Variants in CCDC85A observed in about 807,000 individuals in gnomAD.
The protein encoded by CCDC85A is coiled-coil domain containing 85A, also known as coiled-coil domain-containing protein 85A.
Under a neutral mutation model 50.2 loss-of-function variants are expected in CCDC85A, and 38 were observed. The observed-to-expected ratio is 0.76, with a 90% confidence interval of 0.58 to 0.99. The LOEUF (loss-of-function observed/expected upper bound fraction) is 0.99, where lower values mean the gene tolerates loss of function less well. Among genes scored for constraint, CCDC85A ranks in the 50% least tolerant of loss-of-function variants. The pLI, the probability that CCDC85A is intolerant of heterozygous loss-of-function variation, is 0.00. For synonymous variants in CCDC85A, 366 were observed against 301.4 expected (o/e 1.21, Z -2.22); for missense variants, 820 against 742.0 (o/e 1.11, Z -1.22).
chr2:56,232,481 G>A (rs533280977), intron 2 of CCDC85A, among the ~76,000 whole-genome samples: 1 of 152,210 alleles, frequency 6.6e-6, no homozygotes, highest in South Asian at 2.1e-4. Flanking sequence ...AATCACAGGG[G>A]CAGTTTCCTC....
At chr2:56,360,215 C>T (rs920570105) in intron 3 of CCDC85A, among the ~76,000 whole-genome samples, 4 of 152,192 alleles carry the variant, frequency 2.6e-5, no homozygotes, top group South Asian at 2.1e-4. Context: ...CTAATGTCAA[C>T]CTAGCAATTT....
At chr2:56,343,080 T>C in intron 3 of CCDC85A, 125 bp downstream of exon 3, 1 of 644,970 alleles carries the variant, frequency 1.6e-6, no homozygotes, top group East Asian at 3.1e-5. Flanking sequence ...AAATAGCCAT[T>C]CATCAATGTA....
intron 2 of CCDC85A, among the ~76,000 whole-genome samples, chr2:56,342,253 C>T (rs1280311182): frequency 6.6e-6 from 1 of 151,266 alleles, no homozygotes; most frequent in Non-Finnish European, 1.5e-5. Context: ...AAATACTAAA[C>T]ATTTAAGAAA....
intron 2 of CCDC85A, among the ~76,000 whole-genome samples, chr2:56,250,458 A>G (rs956008655): frequency 2.6e-5 from 4 of 152,214 alleles, no homozygotes; most frequent in Admixed American, 6.5e-5. Flanking sequence ...ATCAAGGATA[A>G]GATGATACAA....
rs1245577029 is a variant in CCDC85A, at chr2:56,193,097, G to A, written c.897G>A (p.Gly299=). 3.1e-6 allele frequency: 5 copies of A among 1,613,448 alleles called. No individual in the cohort carries two copies. Among genetic ancestry groups the A allele is most frequent in the East Asian group, 2.2e-5 (1 of 44,860 alleles). ...SPEQQRHPHP[G]SSPETLPKHV... ...AACAGCAAAGGCACCCGCATCCAGGGAGCAGCCCCGAAACGCTGCCCAAGC... is the reference window on the plus strand; with the variant it reads ...AACAGCAAAGGCACCCGCATCCAGGAAGCAGCCCCGAAACGCTGCCCAAGC... Residue 299 remains glycine, a synonymous_variant, in exon 2 of 6, where the codon GGG becomes GGA. Transcript: ENST00000407595.
chr2:56,361,506 A>T (rs548921282), intron 3 of CCDC85A, among the ~76,000 whole-genome samples: 1 of 152,192 alleles, frequency 6.6e-6, no homozygotes, highest in Non-Finnish European at 1.5e-5. Context: ...GGTAATCACT[A>T]TGAAGAAAAT....
chr2:56,196,943 C>A (rs1168371761), intron 2 of CCDC85A, among the ~76,000 whole-genome samples: 3 of 151,474 alleles, frequency 2.0e-5, no homozygotes, highest in African/African-American at 7.3e-5. Context: ...TTCCCTTTGC[C>A]TTGTTAGAGC....
Position 56,314,265 on chromosome 2 carries a change from T to C in CCDC85A, c.1241-28614T>C, listed in dbSNP as rs1049325353. On this transcript the variant is annotated intron_variant, in intron 2 of 5. Transcript: ENST00000407595. The stretch of plus-strand genomic sequence containing the variant: ...GTCAGAGCTGGGGTCAGATGTGTGA[T>C]GGTATAGAAGAGATAGTACTGACCT... 2.2e-4 allele frequency among the ~76,000 whole-genome samples: 33 copies of C among 151,238 alleles called. 1 individual carries two copies. The highest frequency in any genetic ancestry group is 6.8e-4 in the African/African-American group (28 of 40,974).
intron 2 of CCDC85A, among the ~76,000 whole-genome samples, chr2:56,214,374 A>G (rs1174503934): frequency 1.3e-5 from 2 of 151,922 alleles, no homozygotes; most frequent in Non-Finnish European, 2.9e-5. Context: ...AAAAATGTCT[A>G]CTTTGAGTTA....
chr2:56,366,192 A>G (rs1369109485), intron 3 of CCDC85A, among the ~76,000 whole-genome samples: 1 of 152,154 alleles, frequency 6.6e-6, no homozygotes, highest in Non-Finnish European at 1.5e-5. Flanking sequence ...TATCTTGGCT[A>G]TTATGACTAA....
intron 2 of CCDC85A, among the ~76,000 whole-genome samples, chr2:56,206,020 T>C (rs1432067141): frequency 6.6e-6 from 1 of 151,850 alleles, no homozygotes; most frequent in African/African-American, 2.4e-5. Flanking sequence ...GGTGAGGAAG[T>C]CTGAGAGAGA....
Position 56,192,356 on chromosome 2 carries a change from C to T in CCDC85A, c.277-121C>T, listed in dbSNP as rs1435189618. On this transcript the variant is annotated intron_variant, in intron 1 of 5. Coordinates refer to ENST00000407595, the MANE Select transcript of CCDC85A (RefSeq NM_001080433.2). This position sits in a 1 kb window ranked among gnomAD's most constrained non-coding sequence, Gnocchi z 4.7. ...AATCTTCAGCTTCCTCCTACTCCCT[C>T]ACCTCCTCCCCTAACCTCACAGGTA... 3 of 1,406,534 alleles carry T rather than the reference C, an allele frequency of 2.1e-6. No homozygotes were observed. The highest frequency in any genetic ancestry group is 2.3e-5 in the Admixed American group (1 of 43,524). The allele number at this position is 1,406,534 out of a possible 1,614,324, so 87.1% of individuals were successfully genotyped here.
chr2:56,325,019 A>G (rs185841513), intron 2 of CCDC85A, among the ~76,000 whole-genome samples: 28 of 152,206 alleles, frequency 1.8e-4, no homozygotes, highest in African/African-American at 5.8e-4. Flanking sequence ...TAACATGAAA[A>G]CTTAAAGATT....
In CCDC85A at chr2:56,329,408, A is replaced by G. The variant is rs922274445; in HGVS notation, c.1241-13471A>G. ...TTGTTTGCTTATTTTTCAATGGAGT[A>G]CCCCTAGCACATAGTTAGTACTTAA... On this transcript the variant is annotated intron_variant, in intron 2 of 5. Coordinates refer to ENST00000407595, the MANE Select transcript of CCDC85A (RefSeq NM_001080433.2). 2.0e-5 allele frequency among the ~76,000 whole-genome samples: 3 copies of G among 152,282 alleles called. No homozygotes were observed. In the East Asian group the frequency reaches 5.8e-4, roughly 29 times the overall value.
Position 56,238,750 on chromosome 2 carries a change from G to A in CCDC85A, c.1240+45310G>A, listed in dbSNP as rs544556762. ...TCTACTATAAGACCACTATATAAGA[G>A]TAAAAAACTCATACTGCTTTTGAAA... On this transcript the variant is annotated intron_variant, in intron 2 of 5. Transcript: ENST00000407595. Among the ~76,000 whole-genome samples the A allele has an allele frequency of 2.6e-5, 4 of 152,184 alleles. No individual in the cohort carries two copies. In the South Asian group the frequency reaches 8.3e-4, roughly 32 times the overall value.
At chr2:56,199,433 C>T (rs1676647449) in intron 2 of CCDC85A, among the ~76,000 whole-genome samples, 1 of 152,120 alleles carries the variant, frequency 6.6e-6, no homozygotes, top group Non-Finnish European at 1.5e-5. Flanking sequence ...ACTTGTGTAG[C>T]AACTTTGGGC....
At chr2:56,292,345 A>G (rs1465311147) in intron 2 of CCDC85A, among the ~76,000 whole-genome samples, 2 of 152,132 alleles carry the variant, frequency 1.3e-5, no homozygotes, top group African/African-American at 4.8e-5. Flanking sequence ...GGCCTCCCAA[A>G]GTGCTGCTAT....
intron 2 of CCDC85A, among the ~76,000 whole-genome samples, chr2:56,204,523 T>C (rs1676881763): frequency 6.6e-6 from 1 of 152,146 alleles, no homozygotes; most frequent in Non-Finnish European, 1.5e-5. Flanking sequence ...GAAACCACAG[T>C]CCATGCTGCC....
At chr2:56,334,358 A>G (rs954196081) in intron 2 of CCDC85A, among the ~76,000 whole-genome samples, 3 of 152,210 alleles carry the variant, frequency 2.0e-5, no homozygotes, top group Non-Finnish European at 2.9e-5. Context: ...CCAAATATTC[A>G]TTAAACTCCT....
Sources: gnomAD v4.1 joint callset for allele counts (sites outside exome capture counted in the v4.1 genomes callset) on GRCh38, gnomAD v4.1.1 for gene constraint, Gnocchi (gnomAD v3.1) non-coding constraint, MANE v1.5 for transcripts, NCBI Gene and HGNC (gene_info 2026-07-23, HGNC 2026-07-21) for gene names.